The following COL4A4 variants were observed in gnomAD, a reference collection of about 807,000 sequenced individuals.
The protein encoded by COL4A4 is collagen alpha-4(IV) chain.
COL4A4 carries 105 observed loss-of-function variants against 192.9 expected under a neutral mutation model. That is an observed-to-expected ratio of 0.54 (90% CI 0.46 to 0.64). The LOEUF is 0.64. Among genes scored for constraint, COL4A4 ranks in the 30% least tolerant of loss-of-function variants. The probability of loss-of-function intolerance (pLI) is 0.00; values close to 1 mark genes in which losing one functional copy is unlikely to be tolerated. For missense variants in COL4A4, 1,967 were observed against 2,169.3 expected (o/e 0.91, Z 1.85); for synonymous variants, 762 against 769.9 (o/e 0.99, Z 0.17).
At chr2:227,103,421 C>T (rs2060637930) in intron 13 of COL4A4, among the ~76,000 whole-genome samples, 1 of 152,146 alleles carries the variant, frequency 6.6e-6, no homozygotes, top group African/African-American at 2.4e-5. Flanking sequence ...GACCACGGAA[C>T]CAGGCAGCAG....
chr2:227,125,525 G>A (rs1319303087), intron 4 of COL4A4, among the ~76,000 whole-genome samples: 3 of 150,892 alleles, frequency 2.0e-5, no homozygotes, highest in Admixed American at 6.6e-5. Context: ...AAATACTTCG[G>A]GAGGAAAAAA....
intron 9 of COL4A4, among the ~76,000 whole-genome samples, chr2:227,111,287 A>G (rs909123741): frequency 6.6e-6 from 1 of 152,220 alleles, no homozygotes; most frequent in Non-Finnish European, 1.5e-5. Flanking sequence ...GCAAAATGGT[A>G]GCGAGAAGCA....
chr2:227,090,789 T>TA (rs1296551518), intron 20 of COL4A4, among the ~76,000 whole-genome samples: 2 of 128,366 alleles, frequency 1.6e-5, no homozygotes, highest in African/African-American at 5.9e-5. Flanking sequence ...AATAAATAAA[T>TA]AAATAAAAAT....
chr2:227,124,588 C>A (rs2061980292), intron 4 of COL4A4, among the ~76,000 whole-genome samples: 1 of 152,060 alleles, frequency 6.6e-6, no homozygotes, highest in Non-Finnish European at 1.5e-5. Context: ...TTAAAGGAAA[C>A]TTAAATACAT....
At chr2:227,140,447 T>A (rs1359647586) in intron 3 of COL4A4, among the ~76,000 whole-genome samples, 2 of 152,198 alleles carry the variant, frequency 1.3e-5, no homozygotes, top group Non-Finnish European at 2.9e-5. Context: ...AAACTGAGGA[T>A]GCTGAAGGAA....
At chr2:227,091,271 T>C (rs1206358600) in intron 20 of COL4A4, among the ~76,000 whole-genome samples, 2 of 150,278 alleles carry the variant, frequency 1.3e-5, no homozygotes, top group Non-Finnish European at 2.9e-5. Flanking sequence ...GATATAGATA[T>C]AGATATAGAT....
rs557681393 is a variant in COL4A4, at chr2:227,148,865, G to A, written c.-101-1281C>T. On this transcript the variant is annotated intron_variant, in intron 1 of 47. Transcript: ENST00000396625. ...CTTTTTTTTTTTTTTTTCTGAGACGGGGTTTTGCTCTTATGGCCCAGGCTG... is the reference window on the plus strand; with the variant it reads ...CTTTTTTTTTTTTTTTTCTGAGACGAGGTTTTGCTCTTATGGCCCAGGCTG... 7.8e-4 allele frequency among the ~76,000 whole-genome samples: 118 copies of A among 150,856 alleles called. 1 individual carries two copies. Among genetic ancestry groups the A allele is most frequent in the African/African-American group, 2.7e-3 (112 of 41,120 alleles).
intron 12 of COL4A4, among the ~76,000 whole-genome samples, chr2:227,106,309 C>T (rs911138604): frequency 2.6e-5 from 4 of 151,940 alleles, no homozygotes; most frequent in African/African-American, 7.2e-5. Context: ...TGAACAAAAC[C>T]CTTAAAAGCT....
At chr2:227,055,348 T>TAA (rs111421254) in intron 30 of COL4A4, among the ~76,000 whole-genome samples, 33 of 139,704 alleles carry the variant, frequency 2.4e-4, no homozygotes, top group East Asian at 4.2e-4. Flanking sequence ...TCCTGTCTCC[T>TAA]AAAAAAAAAA....
At chr2:227,040,190 A>G (rs934120628) in intron 37 of COL4A4, among the ~76,000 whole-genome samples, 2 of 152,230 alleles carry the variant, frequency 1.3e-5, no homozygotes, top group Admixed American at 1.3e-4. Context: ...TTCTGAAAGG[A>G]GGGACTTTTT....
the COL4A4 span, among the ~76,000 whole-genome samples, chr2:226,992,934 G>A: frequency 2.6e-5 from 4 of 152,190 alleles, no homozygotes; most frequent in Admixed American, 6.5e-5. Context: ...TATTGGGAGT[G>A]AAAGCTAAGT....
intron 4 of COL4A4, among the ~76,000 whole-genome samples, chr2:227,129,368 C>T (rs1344069626): frequency 1.3e-5 from 2 of 151,636 alleles, no homozygotes; most frequent in African/African-American, 4.8e-5. Context: ...CTTGTGCATG[C>T]TACTTTGCTT....
intron 10 of COL4A4, 73 bp downstream of exon 10, chr2:227,109,151 T>G (rs761229814): frequency 7.1e-7 from 1 of 1,418,088 alleles, no homozygotes; most frequent in Admixed American, 1.7e-5. Context: ...TGACCCAAAA[T>G]GGCAATGTTG....
the COL4A4 span, among the ~76,000 whole-genome samples, chr2:226,993,504 A>G: frequency 5.3e-5 from 8 of 152,368 alleles, no homozygotes; most frequent in South Asian, 1.7e-3. Flanking sequence ...GCAATCAACT[A>G]CTGGTGATTT....
Position 227,028,532 on chromosome 2 carries a change from T to A in COL4A4, c.3974-523A>T, listed in dbSNP as rs547269973. 6.6e-5 allele frequency among the ~76,000 whole-genome samples: 10 copies of A among 152,238 alleles called. No individual in the cohort carries two copies. The South Asian group carries it at 2.1e-3, about 32-fold the overall frequency. On this transcript the variant is annotated intron_variant, in intron 41 of 47. Transcript: ENST00000396625. ...CCTTCCCTGGAATCCCAACTGAAGT[T>A]TAGTTGCTTTTTGATAAGCTCTTCA...
chr2:227,100,846 C>G (rs888699885), intron 17 of COL4A4, among the ~76,000 whole-genome samples: 4 of 151,592 alleles, frequency 2.6e-5, no homozygotes, highest in Non-Finnish European at 4.4e-5. Flanking sequence ...ACTCTGTTGC[C>G]CAGGATGGAG....
chr2:227,008,315 G>A lies in COL4A4; in HGVS notation c.4523-11C>T. On this transcript the variant is annotated splice_polypyrimidine_tract_variant and intron_variant, in intron 46 of 47. Transcript: ENST00000396625. ...AAGACCCTGCCAGACCTTGGGAAGG[G>A]AAGAAGAGACAGCTGGTGTCCAAGC... is the stretch of plus-strand genomic sequence containing the variant. The A allele has an allele frequency of 6.2e-7, 1 of 1,613,872 alleles. No homozygotes were observed. Among genetic ancestry groups the A allele is most frequent in the Non-Finnish European group, 8.5e-7 (1 of 1,179,766 alleles).
rs770419378 is a variant in COL4A4 at position 227,010,468 on chromosome 2, T to C, written c.4367A>G (p.Lys1456Arg). 10 of 1,597,708 alleles carry C rather than the reference T, an allele frequency of 6.3e-6. No individual in the cohort carries two copies. The highest frequency in any genetic ancestry group is 8.5e-6 in the Non-Finnish European group (10 of 1,172,100). The change falls in exon 46 of 48, where the codon AAA (lysine) becomes AGA (arginine). Residue 1456 changes from lysine to arginine, a missense_variant. By Grantham distance (26) the Lys-to-Arg change is conservative. Transcript: ENST00000396625. ...PPGPIGDPGP[K>R]GFGPGYLGGF... ...ACCGAGGTATCCAGGGCCAAACCCT[T>C]TGGGCCCAGGATCCCCAATGGGACC...
rs1961620883 is a variant in COL4A4 at position 227,004,361 on chromosome 2, T to C, written c.*2964A>G. On this transcript the variant is annotated 3_prime_UTR_variant, in exon 48 of 48. Transcript: ENST00000396625. ...AGCAAAGTCGAAGAGGTGCTGGGAG[T>C]GTCTGCAGAGCTGCACACAGTTCAT... is the stretch of plus-strand genomic sequence containing the variant. The C allele has an allele frequency of 6.6e-6, 1 of 152,196 alleles. No individual in the cohort carries two copies. Among genetic ancestry groups the C allele is most frequent in the African/African-American group, 2.4e-5 (1 of 41,380 alleles). The allele number at this position is 152,196 out of a possible 1,614,324, so 9.4% of individuals were successfully genotyped here. A position where few individuals can be genotyped will look rare whatever the true frequency, so the allele number is the denominator to read the frequency against.
Sources: allele counts gnomAD v4.1 joint callset (sites outside exome capture counted in the v4.1 genomes callset), GRCh38; gene constraint gnomAD v4.1.1; transcripts MANE v1.5; gene names NCBI Gene and HGNC (gene_info 2026-07-23, HGNC 2026-07-21).